Variants in PEX5L observed in about 807,000 individuals in gnomAD.
PEX5L encodes PEX5-related protein.
Under a neutral mutation model 84.0 loss-of-function variants are expected in PEX5L, and 30 were observed. The observed-to-expected ratio is 0.36, with a 90% CI of 0.27 to 0.48. The LOEUF is 0.48. PEX5L is among the 20% of genes least tolerant of loss of function. The probability of loss-of-function intolerance (pLI) is 0.99; values close to 1 mark genes in which losing one functional copy is unlikely to be tolerated. For synonymous variants in PEX5L, 270 were observed against 283.1 expected (o/e 0.95, Z 0.46); for missense variants, 533 against 754.6 (o/e 0.71, Z 3.44).
rs76427394 is a variant in PEX5L, at chr3:180,003,006, A to T, written c.22-31341T>A. On this transcript the variant is annotated intron_variant, in intron 1 of 14. Coordinates refer to ENST00000467460, the MANE Select transcript of PEX5L (RefSeq NM_016559.3). Reference sequence around the variant, plus strand: ...TCATTTCACAGGGTAGGAAACGATTATAGATGAGACCAAGGAGTTTCTCTT... The same window carrying T: ...TCATTTCACAGGGTAGGAAACGATTTTAGATGAGACCAAGGAGTTTCTCTT... Among the ~76,000 whole-genome samples, 599 of 152,282 alleles carry T rather than the reference A, an allele frequency of 3.9e-3. 9 individuals carry two copies. The highest frequency in any genetic ancestry group is 0.011 in the East Asian group (59 of 5,192).
At chr3:179,982,170 T>C (rs1468589054) in intron 1 of PEX5L, among the ~76,000 whole-genome samples, 1 of 152,208 alleles carries the variant, frequency 6.6e-6, no homozygotes, top group African/African-American at 2.4e-5. Flanking sequence ...TTGATCATAA[T>C]GTTTATCCTC....
At chr3:179,948,383 C>T (rs1300468520) in intron 2 of PEX5L, among the ~76,000 whole-genome samples, 2 of 152,144 alleles carry the variant, frequency 1.3e-5, no homozygotes, top group African/African-American at 4.8e-5. Context: ...AAAGTATCTT[C>T]CAAAAACAGC....
rs543452949 is a variant in PEX5L at position 179,816,813 on chromosome 3, T to C, written c.940-809A>G. On this transcript the variant is annotated intron_variant, in intron 9 of 14. Transcript: ENST00000467460. ...AATTTAAATTTCTGCTTTTCCTTAT[T>C]ATGAATATAGTACATTTTCATTGTA... Among the ~76,000 whole-genome samples the C allele has an allele frequency of 4.0e-4, 61 of 152,228 alleles. 2 individuals are homozygous for C. Among genetic ancestry groups the C allele is most frequent in the Middle Eastern group, 3.4e-3 (1 of 294 alleles).
intron 1 of PEX5L, among the ~76,000 whole-genome samples, chr3:180,026,620 T>C (rs1790981583): frequency 1.3e-5 from 2 of 152,220 alleles, no homozygotes; most frequent in African/African-American, 4.8e-5. Flanking sequence ...AGAGGAACCA[T>C]TCTGCTCTTC....
At chr3:180,031,103 T>A (rs909838947) in intron 1 of PEX5L, among the ~76,000 whole-genome samples, 1 of 123,802 alleles carries the variant, frequency 8.1e-6, no homozygotes, top group Non-Finnish European at 1.7e-5. Flanking sequence ...TTTATACTAA[T>A]AAAAAAATAG....
Position 179,857,040 on chromosome 3 carries a change from G to A in PEX5L, c.822+2022C>T, listed in dbSNP as rs974160183. ...GAACCTAGATCAGCAGCCAGTACAC[G>A]TAAACAGCCAGTATGGTTTGCTGAA... On this transcript the variant is annotated intron_variant, in intron 8 of 14. Transcript: ENST00000467460. Among the ~76,000 whole-genome samples the A allele has an allele frequency of 5.9e-5, 9 of 152,172 alleles. No homozygotes were observed. In the East Asian group the frequency reaches 7.7e-4, roughly 13 times the overall value.
At chr3:179,940,147 G>A (rs757169598) in intron 2 of PEX5L, among the ~76,000 whole-genome samples, 1 of 152,178 alleles carries the variant, frequency 6.6e-6, no homozygotes, top group Non-Finnish European at 1.5e-5. Flanking sequence ...CCTAGGGACT[G>A]TGTGCAGAGG....
chr3:179,886,146 A>T (rs1755783842), intron 4 of PEX5L, among the ~76,000 whole-genome samples: 1 of 152,228 alleles, frequency 6.6e-6, no homozygotes, highest in South Asian at 2.1e-4. Flanking sequence ...GAATTGGAGC[A>T]TGAAGAGGAA....
At chr3:180,020,753 A>C (rs1182408810) in intron 1 of PEX5L, among the ~76,000 whole-genome samples, 2 of 152,224 alleles carry the variant, frequency 1.3e-5, no homozygotes, top group African/African-American at 4.8e-5. Context: ...TTTTAAAGGG[A>C]ATAGTTCATT....
rs1786541133 is a variant in PEX5L at position 179,983,640 on chromosome 3, AT to A, written c.22-11976del. ...AACTCCACCATTTTTACTTAAAAGT[AT>A]GACAAGCTATGATTACTCAAACTTG... On this transcript the variant is annotated intron_variant, in intron 1 of 14. Transcript: ENST00000467460. 2.0e-5 allele frequency among the ~76,000 whole-genome samples: 3 copies of A among 152,050 alleles called. No homozygotes were observed. In the South Asian group the frequency reaches 6.2e-4, roughly 31 times the overall value.
intron 7 of PEX5L, among the ~76,000 whole-genome samples, chr3:179,864,657 A>G (rs1234554484): frequency 6.6e-6 from 1 of 152,114 alleles, no homozygotes; most frequent in Non-Finnish European, 1.5e-5. Context: ...TATATTTTTG[A>G]AACTCGGTAA....
At chr3:180,026,721 G>T (rs758191283) in intron 1 of PEX5L, among the ~76,000 whole-genome samples, 1 of 152,048 alleles carries the variant, frequency 6.6e-6, no homozygotes, top group African/African-American at 2.4e-5. Context: ...CTAAATAAAC[G>T]CAGGCTTAAA....
chr3:179,859,061 C>T lies in PEX5L; in HGVS notation c.822+1G>A. On this transcript the variant is annotated splice_donor_variant, in intron 8 of 14. Coordinates refer to ENST00000467460, the MANE Select transcript of PEX5L (RefSeq NM_016559.3). LOFTEE classifies it high-confidence loss of function. Reference sequence around the variant, plus strand: ...AAAAAACTAATTTGAAGAAAAGTTACCTCCACTGCTGCTTTTGCCCTTTCA... The same window carrying T: ...AAAAAACTAATTTGAAGAAAAGTTATCTCCACTGCTGCTTTTGCCCTTTCA... 1 of 1,605,966 alleles carries T rather than the reference C, an allele frequency of 6.2e-7. No individual in the cohort carries two copies. Among genetic ancestry groups the T allele is most frequent in the East Asian group, 2.2e-5 (1 of 44,822 alleles).
At chr3:179,953,724 G>C (rs919179174) in intron 2 of PEX5L, among the ~76,000 whole-genome samples, 1 of 152,120 alleles carries the variant, frequency 6.6e-6, no homozygotes, top group African/African-American at 2.4e-5. Context: ...CTATGACTCA[G>C]GATGGAAATG....
At chr3:179,949,310 T>G (rs1348764377) in intron 2 of PEX5L, among the ~76,000 whole-genome samples, 1 of 152,236 alleles carries the variant, frequency 6.6e-6, no homozygotes, top group East Asian at 1.9e-4. Context: ...TTAGAGCCCT[T>G]TTTGTTAAGC....
At chr3:179,843,522 C>T (rs1738093161) in intron 8 of PEX5L, among the ~76,000 whole-genome samples, 1 of 152,180 alleles carries the variant, frequency 6.6e-6, no homozygotes, top group Non-Finnish European at 1.5e-5. Flanking sequence ...TGTCTCCTGA[C>T]CCTGATCTAA....
chr3:179,990,158 A>G (rs1787247583), intron 1 of PEX5L, among the ~76,000 whole-genome samples: 2 of 152,316 alleles, frequency 1.3e-5, no homozygotes, highest in East Asian at 1.9e-4. Flanking sequence ...CTCATATGTA[A>G]GGTGAATGGA....
intron 2 of PEX5L, among the ~76,000 whole-genome samples, chr3:179,916,986 G>C (rs1767384866): frequency 7.0e-6 from 1 of 141,886 alleles, no homozygotes. Context: ...ATCCCTTTTT[G>C]ATCCTTTTGT....
At chr3:179,878,230 C>T (rs150194528) in intron 5 of PEX5L, among the ~76,000 whole-genome samples, 5 of 152,276 alleles carry the variant, frequency 3.3e-5, no homozygotes, top group African/African-American at 9.6e-5. Context: ...CCATTGCTCA[C>T]GTATACATAT....
Sources: gnomAD v4.1 joint callset for allele counts (sites outside exome capture counted in the v4.1 genomes callset) on GRCh38, gnomAD v4.1.1 for gene constraint, MANE v1.5 for transcripts, NCBI Gene and HGNC (gene_info 2026-07-23, HGNC 2026-07-21) for gene names.